Variants in MICU1 observed in about 807,000 individuals in gnomAD.
The protein encoded by MICU1 is mitochondrial calcium uptake 1.
Under a neutral mutation model 56.8 loss-of-function variants are expected in MICU1, and 45 were observed. The ratio of observed to expected loss-of-function variants is 0.79; its 90% CI spans 0.62 to 1.02. MICU1 has a LOEUF of 1.02. Among genes scored for constraint, MICU1 ranks in the 50% least tolerant of loss-of-function variants. The pLI, the probability that MICU1 is intolerant of heterozygous loss-of-function variation, is 0.00. For synonymous variants in MICU1, 186 were observed against 195.1 expected, an observed-to-expected ratio of 0.95 and a Z score of 0.39; for missense variants, 504 against 587.1, an observed-to-expected ratio of 0.86 and a Z score of 1.46.
At chr10:72,540,267 CAA>C (rs11287541) in intron 4 of MICU1, among the ~76,000 whole-genome samples, 47 of 85,420 alleles carry the variant, frequency 5.5e-4, no homozygotes, top group Non-Finnish European at 5.9e-4. Flanking sequence ...AACTCCATCT[CAA>C]AAAAAAAAAA....
chr10:72,615,415 AGCACAC>A (rs1841952271), intron 1 of MICU1, among the ~76,000 whole-genome samples: 1 of 152,134 alleles, frequency 6.6e-6, no homozygotes, highest in Non-Finnish European at 1.5e-5. Context: ...ACAGCACCAC[AGCACAC>A]TGTGCTGTGG....
intron 5 of MICU1, among the ~76,000 whole-genome samples, chr10:72,510,492 CA>C (rs1328770926): frequency 6.6e-6 from 1 of 152,030 alleles, no homozygotes; most frequent in Non-Finnish European, 1.5e-5. Context: ...TCCCAAATGC[CA>C]TAATCCCAAA....
chr10:72,489,353 A>G (rs1045195836), intron 6 of MICU1, among the ~76,000 whole-genome samples: 2 of 151,934 alleles, frequency 1.3e-5, no homozygotes, highest in African/African-American at 2.4e-5. Flanking sequence ...ACTAACTTAT[A>G]TATCTTAATC....
At chr10:72,600,486 T>G (rs1361187589) in intron 1 of MICU1, among the ~76,000 whole-genome samples, 1 of 150,998 alleles carries the variant, frequency 6.6e-6, no homozygotes, top group Admixed American at 6.6e-5. Flanking sequence ...CCATCTCTAC[T>G]GAAAATATAA....
At chr10:72,573,858 T>C (rs967955174) in intron 1 of MICU1, among the ~76,000 whole-genome samples, 2 of 152,154 alleles carry the variant, frequency 1.3e-5, no homozygotes, top group Non-Finnish European at 2.9e-5. Flanking sequence ...CAAGGCACAT[T>C]ATGGCAAGCT....
chr10:72,609,761 C>T (rs1417763067), intron 1 of MICU1, among the ~76,000 whole-genome samples: 2 of 148,216 alleles, frequency 1.3e-5, no homozygotes, highest in African/African-American at 5.0e-5. Flanking sequence ...GGTGGCCGGG[C>T]GTGGTGGCTC....
At chr10:72,421,547 T>C (rs1198936331) in intron 9 of MICU1, among the ~76,000 whole-genome samples, 13 of 152,142 alleles carry the variant, frequency 8.5e-5, no homozygotes, top group Admixed American at 8.5e-4. Flanking sequence ...AGCGTTAGGA[T>C]TACAGGCGTG....
chr10:72,617,903 C>T (rs888493353), intron 1 of MICU1, among the ~76,000 whole-genome samples: 4 of 152,084 alleles, frequency 2.6e-5, no homozygotes, highest in African/African-American at 9.7e-5. Context: ...CAGTGGCTTA[C>T]GCCTGTAATC....
chr10:72,489,325 A>C (rs927472769), intron 6 of MICU1, among the ~76,000 whole-genome samples: 23 of 121,274 alleles, frequency 1.9e-4, no homozygotes, highest in Middle Eastern at 4.0e-3. Context: ...CACACACACA[A>C]AAATAAAAAA....
chr10:72,422,702 T>G (rs1447297170), intron 9 of MICU1, among the ~76,000 whole-genome samples: 1 of 131,014 alleles, frequency 7.6e-6, no homozygotes, highest in Non-Finnish European at 1.7e-5. Flanking sequence ...ATTTCACTAC[T>G]CTCTTTAGGT....
intron 8 of MICU1, among the ~76,000 whole-genome samples, chr10:72,427,738 ATATATATATATAT>A (rs1564861524): frequency 1.5e-4 from 3 of 20,622 alleles, no homozygotes; most frequent in South Asian, 8.3e-4. Context: ...TCTAAAATAT[ATATATATATATAT>A]ATATATATAT....
chr10:72,532,449 T>C (rs1839513630), intron 5 of MICU1, among the ~76,000 whole-genome samples: 1 of 152,214 alleles, frequency 6.6e-6, no homozygotes, highest in African/African-American at 2.4e-5. Flanking sequence ...ACATTTATTG[T>C]TGCCTCCTGT....
chr10:72,497,833 A>G (rs192058738), intron 6 of MICU1, among the ~76,000 whole-genome samples: 104 of 152,350 alleles, frequency 6.8e-4, no homozygotes, highest in Non-Finnish European at 1.1e-3. Context: ...AAAGAACTCA[A>G]AGAAGCCACA....
intron 9 of MICU1, among the ~76,000 whole-genome samples, chr10:72,414,404 A>C (rs1335878169): frequency 6.6e-6 from 1 of 152,202 alleles, no homozygotes; most frequent in East Asian, 1.9e-4. Flanking sequence ...TCTACATAAA[A>C]ATATTGTGCT....
chr10:72,387,952 G>C (rs1173408559), intron 10 of MICU1, among the ~76,000 whole-genome samples: 1 of 152,054 alleles, frequency 6.6e-6, no homozygotes. Context: ...TATTAATATA[G>C]TATTATCTCT....
intron 1 of MICU1, among the ~76,000 whole-genome samples, chr10:72,573,050 C>T (rs1039891397): frequency 6.6e-6 from 1 of 151,846 alleles, no homozygotes; most frequent in Non-Finnish European, 1.5e-5. Context: ...CTAAGAACTA[C>T]CCCAATGTTC....
At chr10:72,529,290 G>A (rs550627237) in intron 5 of MICU1, among the ~76,000 whole-genome samples, 3 of 152,230 alleles carry the variant, frequency 2.0e-5, no homozygotes, top group African/African-American at 7.2e-5. Context: ...TTTCTGAAAC[G>A]TTCAGGGAGA....
intron 1 of MICU1, among the ~76,000 whole-genome samples, chr10:72,588,890 T>C (rs1339782322): frequency 1.3e-5 from 2 of 152,214 alleles, no homozygotes; most frequent in Admixed American, 6.5e-5. Flanking sequence ...GAAGAATTCA[T>C]TGTAAAACTA....
chr10:72,386,850 T>G (rs1862909991), intron 10 of MICU1, among the ~76,000 whole-genome samples: 1 of 152,172 alleles, frequency 6.6e-6, no homozygotes, highest in African/African-American at 2.4e-5. Flanking sequence ...GCACTCATTT[T>G]TTGACAGAGT....
Sources: allele counts gnomAD v4.1 joint callset (sites outside exome capture counted in the v4.1 genomes callset), GRCh38; gene constraint gnomAD v4.1.1; transcripts MANE v1.5; gene names NCBI Gene and HGNC (gene_info 2026-07-23, HGNC 2026-07-21).